The following ANO1 variants were observed in gnomAD, a reference collection of about 807,000 sequenced individuals.
The protein encoded by ANO1 is anoctamin 1, also known as anoctamin-1.
Under a neutral mutation model 124.0 loss-of-function variants are expected in ANO1, and 59 were observed. That is an observed-to-expected ratio of 0.48 (90% confidence interval 0.39 to 0.59). The LOEUF is 0.59. ANO1 is among the 20% of genes least tolerant of loss of function. ANO1 has a pLI of 0.00. For synonymous variants in ANO1, 529 were observed against 532.0 expected (o/e 0.99, Z 0.08); for missense variants, 1,059 against 1,328.0 (o/e 0.80, Z 3.15).
At chr11:70,160,998 G>T (rs546893970) in intron 16 of ANO1, among the ~76,000 whole-genome samples, 163 bp from the exon 17 acceptor site, 13 of 152,368 alleles carry the variant, frequency 8.5e-5, no homozygotes, top group Non-Finnish European at 1.9e-4. Flanking sequence ...TTAATGCACA[G>T]AAAGCCCCTG....
chr11:69,996,458 A>T (rs1325395738), intron 1 of ANO1, among the ~76,000 whole-genome samples: 2 of 152,216 alleles, frequency 1.3e-5, no homozygotes, highest in Non-Finnish European at 2.9e-5. Context: ...AGGCTCTCCA[A>T]CTTCCATTTC....
chr11:70,053,993 C>T (rs1199521756), intron 1 of ANO1, among the ~76,000 whole-genome samples: 1 of 152,182 alleles, frequency 6.6e-6, no homozygotes, highest in Non-Finnish European at 1.5e-5. Flanking sequence ...CTGACATTAT[C>T]TTTTTCCTGT....
chr11:70,182,770 G>A (rs2048977444), intron 24 of ANO1, 84 bp downstream of exon 24: 1 of 1,216,658 alleles, frequency 8.2e-7, no homozygotes, highest in Non-Finnish European at 1.1e-6. Context: ...CTCAAATCAG[G>A]AGCAAGTCAT....
chr11:69,973,212 G>C, the ANO1 span, among the ~76,000 whole-genome samples: 5 of 152,036 alleles, frequency 3.3e-5, no homozygotes, highest in South Asian at 1.0e-3. Context: ...CCCAGCTCTG[G>C]CATCTCACTC....
intron 1 of ANO1, among the ~76,000 whole-genome samples, chr11:69,991,118 A>G (rs1856146274): frequency 6.6e-6 from 1 of 152,140 alleles, no homozygotes; most frequent in Non-Finnish European, 1.5e-5. Context: ...AGGTCAGTCC[A>G]TTTTTAGTTA....
intron 2 of ANO1, among the ~76,000 whole-genome samples, chr11:70,102,800 G>A (rs891677904): frequency 4.6e-5 from 7 of 152,146 alleles, no homozygotes; most frequent in South Asian, 2.1e-4. Flanking sequence ...TATACCCACC[G>A]GGGATCCTCC....
chr11:70,146,707 G>A (rs1047722912), intron 11 of ANO1, among the ~76,000 whole-genome samples: 2 of 152,172 alleles, frequency 1.3e-5, no homozygotes, highest in Admixed American at 6.5e-5. Context: ...TAGGAAAGCC[G>A]ACAGTGCAGC....
At chr11:70,082,822 A>C (rs986954677) in intron 1 of ANO1, among the ~76,000 whole-genome samples, 4 of 152,154 alleles carry the variant, frequency 2.6e-5, no homozygotes, top group Non-Finnish European at 5.9e-5. Flanking sequence ...GGTCCTTGCT[A>C]TGCATTCACC....
At chr11:70,180,119 C>T (rs1381727846) in intron 23 of ANO1, 63 bp downstream of exon 23, 2 of 1,491,160 alleles carry the variant, frequency 1.3e-6, no homozygotes, top group Non-Finnish European at 1.9e-6. Flanking sequence ...GTGGCCGGGG[C>T]CCTGTGGAGA....
rs372910893 is a variant in ANO1, at chr11:70,117,782, T to G, written c.897+1283T>G. ...GTCCCAATTCCCAGGGGCCAGGACC[T>G]CTGTGTATGGAATGTTCTTCATTTC... On this transcript the variant is annotated intron_variant, in intron 8 of 25. Coordinates refer to ENST00000355303, the MANE Select transcript of ANO1 (RefSeq NM_018043.7). 5.9e-5 allele frequency among the ~76,000 whole-genome samples: 9 copies of G among 152,320 alleles called. No homozygotes were observed. In the South Asian group the frequency reaches 1.9e-3, roughly 32 times the overall value.
intron 22 of ANO1, among the ~76,000 whole-genome samples, chr11:70,172,119 T>TAAAAAAAAA (rs367908728): frequency 8.3e-6 from 1 of 120,498 alleles, no homozygotes; most frequent in African/African-American, 3.1e-5. Flanking sequence ...GAACCTGTCT[T>TAAAAAAAAA]AAAAAAAAAA....
At chr11:70,111,961 G>A (rs949157907) in intron 7 of ANO1, among the ~76,000 whole-genome samples, 199 bp downstream of exon 7, 5 of 137,738 alleles carry the variant, frequency 3.6e-5, no homozygotes, top group African/African-American at 1.4e-4. Flanking sequence ...ATCTTTTCTT[G>A]CAAAACAATC....
At chr11:70,074,528 G>A (rs1000883322), upstream of ANO1, among the ~76,000 whole-genome samples, 5 of 152,160 alleles carry the variant, frequency 3.3e-5, no homozygotes, top group African/African-American at 1.2e-4. Flanking sequence ...TTGCTCTCCT[G>A]CCTGACCTTA....
At chr11:70,010,271 G>A (rs1555000894) in intron 1 of ANO1, among the ~76,000 whole-genome samples, 1 of 149,776 alleles carries the variant, frequency 6.7e-6, no homozygotes, top group Non-Finnish European at 1.5e-5. Context: ...TGAGAATTGT[G>A]CTCAATTGCA....
chr11:70,053,903 G>A (rs1555006542), intron 1 of ANO1, among the ~76,000 whole-genome samples: 3 of 152,212 alleles, frequency 2.0e-5, no homozygotes, highest in Non-Finnish European at 2.9e-5. Flanking sequence ...TTAGGCAAGT[G>A]TTGGGAAGTG....
At chr11:70,161,851 G>A (rs1052264488) in intron 18 of ANO1, 118 bp downstream of exon 18, 24 of 959,918 alleles carry the variant, frequency 2.5e-5, no homozygotes, top group African/African-American at 6.5e-5. Flanking sequence ...CGTGGCACCC[G>A]CAGCCAAAGA....
chr11:70,145,153 C>T (rs979438062), intron 11 of ANO1, among the ~76,000 whole-genome samples: 52 of 152,118 alleles, frequency 3.4e-4, no homozygotes, highest in African/African-American at 1.2e-3. Flanking sequence ...CCTGCCTTCG[C>T]TCACTCCACT....
chr11:70,187,902 G>A lies in ANO1; in HGVS notation c.2859G>A (p.Arg953=), dbSNP rs780833405. ...TGGAAACCTGGATGGAGAAGGAGCG[G>A]CAGAAGGACGAGCCGCCGTGCAACC... ...QLLETWMEKE[R]QKDEPPCNHH... Residue 953 remains arginine (R), a synonymous_variant, in exon 26 of 26, where the codon CGG becomes CGA. Coordinates refer to ENST00000355303, the MANE Select transcript of ANO1 (RefSeq NM_018043.7). The A allele has an allele frequency of 1.9e-6, 3 of 1,595,972 alleles. No individual in the cohort carries two copies. Among genetic ancestry groups the A allele is most frequent in the Admixed American group, 1.8e-5 (1 of 56,598 alleles).
chr11:70,158,142 G>T (rs2047895243), intron 16 of ANO1, among the ~76,000 whole-genome samples: 1 of 152,198 alleles, frequency 6.6e-6, no homozygotes, highest in African/African-American at 2.4e-5. Context: ...GGACACGATA[G>T]TGCTACTCAG....
Sources: gnomAD v4.1 joint callset for allele counts (sites outside exome capture counted in the v4.1 genomes callset) on GRCh38, gnomAD v4.1.1 for gene constraint, MANE v1.5 for transcripts, NCBI Gene and HGNC (gene_info 2026-07-23, HGNC 2026-07-21) for gene names.